TSNARE1: variants seen among roughly 807,000 people sequenced by gnomAD.
TSNARE1 encodes the protein t-SNARE domain containing 1.
In TSNARE1, 49 loss-of-function variants were observed where a neutral mutation model predicts 62.0. That is an observed-to-expected ratio of 0.79 (90% CI 0.63 to 1.00). The LOEUF (loss-of-function observed/expected upper bound fraction) is 1.00. Among genes scored for constraint, TSNARE1 ranks in the 50% least tolerant of loss-of-function variants. The pLI is 0.00. For missense variants in TSNARE1, 755 were observed against 700.1 expected (o/e 1.08, Z -0.88); for synonymous variants, 328 against 294.4 (o/e 1.11, Z -1.17).
At chr8:142,382,785 G>A (rs531627463) in intron 1 of TSNARE1, among the ~76,000 whole-genome samples, 10 of 152,398 alleles carry the variant, frequency 6.6e-5, no homozygotes, top group East Asian at 1.9e-4. Context: ...GCCAGTGGCC[G>A]TCACTTCAGT....
intron 11 of TSNARE1, chr8:142,279,982 T>C (rs1214417175): frequency 1.7e-6 from 2 of 1,144,934 alleles, no homozygotes; most frequent in Non-Finnish European, 2.2e-6. Context: ...CGCCAGCTTC[T>C]TGCGCACAGC....
chr8:142,263,197 T>A (rs899558755), intron 12 of TSNARE1, among the ~76,000 whole-genome samples: 2 of 152,244 alleles, frequency 1.3e-5, no homozygotes, highest in African/African-American at 4.8e-5. Flanking sequence ...TGCCTTTCTA[T>A]TTTGATGAGT....
At position 142,274,794 on chromosome 8, in the gene TSNARE1, G is replaced by A. The variant is rs759344110; in HGVS notation, c.1433C>T (p.Ala478Val). 3.8e-6 allele frequency: 6 copies of A among 1,574,472 alleles called. No homozygotes were observed. The highest frequency in any genetic ancestry group is 4.3e-6 in the Non-Finnish European group (5 of 1,160,846). ...ACACGGACTTACTTGGTGCCGGCTG[G>A]CTCCAGCCAGGAGCTGGCGGGCTGC... ...AEAARQLLAG[A>V]SRHQLQRHKI... Residue 478 changes from alanine (A) to valine (V), a missense_variant, in exon 12 of 14, where the codon GCC (alanine) becomes GTC (valine). Coordinates refer to ENST00000524325, the MANE Select transcript of TSNARE1 (RefSeq NM_145003.5).
intron 10 of TSNARE1, among the ~76,000 whole-genome samples, chr8:142,299,832 A>G (rs1825416243): frequency 6.6e-6 from 1 of 152,260 alleles, no homozygotes; most frequent in Non-Finnish European, 1.5e-5. Flanking sequence ...TGTTTTAGCA[A>G]CTGTCTTAAG....
At chr8:142,279,990 A>G in intron 11 of TSNARE1, 1 of 1,160,520 alleles carries the variant, frequency 8.6e-7, no homozygotes, top group Admixed American at 4.3e-5. Flanking sequence ...TCTTGCGCAC[A>G]GCACCTCGCA....
At chr8:142,399,211 G>A (rs899824306) in intron 1 of TSNARE1, among the ~76,000 whole-genome samples, 8 of 152,206 alleles carry the variant, frequency 5.3e-5, no homozygotes, top group Non-Finnish European at 1.2e-4. Flanking sequence ...CTCTTCCTAT[G>A]GAAGCTTCCA....
intron 10 of TSNARE1, among the ~76,000 whole-genome samples, chr8:142,289,066 C>T (rs969793656): frequency 6.6e-6 from 1 of 152,240 alleles, no homozygotes; most frequent in Non-Finnish European, 1.5e-5. Context: ...TTTAAGACGC[C>T]TGGCACTCAA....
At chr8:142,227,358 C>CAGGACCCCCTTCCTGCCCACAACT (rs1816878339) in intron 13 of TSNARE1, among the ~76,000 whole-genome samples, 3 of 80,954 alleles carry the variant, frequency 3.7e-5, no homozygotes, top group Admixed American at 2.4e-4. Context: ...TGCCCATAGC[C>CAGGACCCCCTTCCTGCCCACAACT]CCAGTGACAG....
chr8:142,383,425 G>A (rs905661241), intron 1 of TSNARE1, among the ~76,000 whole-genome samples: 1 of 149,934 alleles, frequency 6.7e-6, no homozygotes, highest in Non-Finnish European at 1.5e-5. Context: ...GCACACCCAG[G>A]ACAGAGTGCA....
At chr8:142,329,522 G>A (rs1177360373) in intron 6 of TSNARE1, among the ~76,000 whole-genome samples, 3 of 152,198 alleles carry the variant, frequency 2.0e-5, no homozygotes, top group Non-Finnish European at 2.9e-5. Context: ...GCTTCACTGG[G>A]AACCTGCCCA....
intron 12 of TSNARE1, among the ~76,000 whole-genome samples, chr8:142,252,751 A>ACAGTTTG (rs1818237415): frequency 1.3e-5 from 2 of 151,954 alleles, no homozygotes; most frequent in African/African-American, 4.8e-5. Context: ...TCTTGTGTGC[A>ACAGTTTG]ACAGTTTGGA....
intron 1 of TSNARE1, among the ~76,000 whole-genome samples, chr8:142,365,595 T>C (rs891048945): frequency 5.7e-5 from 6 of 105,382 alleles, no homozygotes; most frequent in Non-Finnish European, 3.8e-5. Context: ...CATAAACACA[T>C]GCACACGCAC....
intron 1 of TSNARE1, among the ~76,000 whole-genome samples, chr8:142,385,332 TC>T (rs1197189681): frequency 6.6e-6 from 1 of 152,074 alleles, no homozygotes; most frequent in Non-Finnish European, 1.5e-5. Context: ...TAGGGACTGT[TC>T]CCACCCACCA....
At chr8:142,251,212 C>T (rs1442510259) in intron 12 of TSNARE1, among the ~76,000 whole-genome samples, 1 of 152,080 alleles carries the variant, frequency 6.6e-6, no homozygotes, top group Non-Finnish European at 1.5e-5. Flanking sequence ...CCACCAGATT[C>T]CCAGTCTCCA....
chr8:142,287,196 G>T (rs1458564049), intron 10 of TSNARE1, among the ~76,000 whole-genome samples: 1 of 147,596 alleles, frequency 6.8e-6, no homozygotes, highest in African/African-American at 2.5e-5. Flanking sequence ...CCAGGACCCC[G>T]GCCAGATCTC....
chr8:142,350,308 C>T (rs1052191540), intron 2 of TSNARE1, among the ~76,000 whole-genome samples: 7 of 152,128 alleles, frequency 4.6e-5, no homozygotes, highest in South Asian at 2.1e-4. Flanking sequence ...CAACTGACAG[C>T]GAAAGGCTAT....
Position 142,300,624 on chromosome 8 carries a change from G to A in TSNARE1, c.1152C>T (p.Ala384=), listed in dbSNP as rs140400772. Residue 384 remains alanine, a synonymous_variant, in exon 10 of 14, where the codon GCC becomes GCT. Coordinates refer to ENST00000524325, the MANE Select transcript of TSNARE1 (RefSeq NM_145003.5). ...GSKQSPQAPF[A]ELADDEKVFN... ...AGACCTTCTCATCATCAGCCAGCTC[G>A]GCAAACGGGGCCTGGGGACTCTGCT... The A allele has an allele frequency of 6.9e-5, 111 of 1,613,602 alleles. 4 individuals are homozygous for A. The African/African-American group carries it at 1.1e-3, about 15-fold the overall frequency.
intron 9 of TSNARE1, among the ~76,000 whole-genome samples, chr8:142,302,425 G>A (rs1438384488): frequency 1.3e-5 from 2 of 152,190 alleles, no homozygotes; most frequent in African/African-American, 4.8e-5. Flanking sequence ...GGGGCCTTCT[G>A]TGGCAGTGGG....
intron 10 of TSNARE1, among the ~76,000 whole-genome samples, chr8:142,295,434 G>A (rs1458125120): frequency 1.3e-5 from 2 of 152,200 alleles, no homozygotes; most frequent in Non-Finnish European, 2.9e-5. Flanking sequence ...TTGGGTGGCC[G>A]CTCTGCTCCT....
Sources: gnomAD v4.1 joint callset for allele counts (sites outside exome capture counted in the v4.1 genomes callset) on GRCh38, gnomAD v4.1.1 for gene constraint, MANE v1.5 for transcripts, NCBI Gene and HGNC (gene_info 2026-07-23, HGNC 2026-07-21) for gene names.